Variants in DAPP1 observed in about 807,000 individuals in gnomAD.
DAPP1 encodes dual adaptor of phosphotyrosine and 3-phosphoinositides 1.
Under a neutral mutation model 41.5 loss-of-function variants are expected in DAPP1, and 20 were observed. The observed-to-expected ratio is 0.48, with a 90% CI of 0.34 to 0.70. The LOEUF is 0.70. Among genes scored for constraint, DAPP1 ranks in the 30% least tolerant of loss-of-function variants. DAPP1 has a pLI of 0.01. For missense variants in DAPP1, 233 were observed against 333.4 expected (o/e 0.70, Z 2.35); for synonymous variants, 113 against 116.2 (o/e 0.97, Z 0.18).
rs1723934701 is a variant in DAPP1, at chr4:99,853,334, C to T, written c.475C>T (p.Pro159Ser). Reference protein sequence around the residue: ...QTGRTEDDLVPTAPSLGTKEG... With the variant: ...QTGRTEDDLVSTAPSLGTKEG... ...AGGAAGAACAGAAGATGACCTTGTGCCCACAGCACCTTCTGTAAGTGACCT... is the reference window on the plus strand; with the variant it reads ...AGGAAGAACAGAAGATGACCTTGTGTCCACAGCACCTTCTGTAAGTGACCT... The change falls in exon 4 of 9, where the codon CCC (proline) becomes TCC (serine). Residue 159 changes from proline to serine, a missense_variant. Pro to Ser is a moderately conservative substitution (Grantham distance 74). Transcript: ENST00000512369. 2 of 1,608,916 alleles carry T rather than the reference C, an allele frequency of 1.2e-6. No individual in the cohort carries two copies. The highest frequency in any genetic ancestry group is 1.7e-6 in the Non-Finnish European group (2 of 1,177,358).
Position 99,869,724 on chromosome 4 carries a change from G to A in DAPP1, c.*1539G>A, listed in dbSNP as rs1724580827. ...ACAAGCAGATCACTTGAGGTCAGGA[G>A]TTCAACATCAGCCTGGCCAACATGA... On this transcript the variant is annotated 3_prime_UTR_variant, in exon 9 of 9. Coordinates refer to ENST00000512369, the MANE Select transcript of DAPP1 (RefSeq NM_014395.3). 6.6e-6 allele frequency: 1 copy of A among 152,188 alleles called. No homozygotes were observed. Among genetic ancestry groups the A allele is most frequent in the African/African-American group, 2.4e-5 (1 of 41,444 alleles). The allele number at this position is 152,188 out of a possible 1,614,324, so 9.4% of individuals were successfully genotyped here. A position where few individuals can be genotyped will look rare whatever the true frequency, so the allele number is the denominator to read the frequency against.
chr4:99,836,215 T>A (rs1334620666), intron 2 of DAPP1, among the ~76,000 whole-genome samples: 1 of 152,206 alleles, frequency 6.6e-6, no homozygotes, highest in African/African-American at 2.4e-5. Context: ...GGCTAGCTTT[T>A]CATATTGAGT....
chr4:99,818,619 G>A (rs1461475068), intron 1 of DAPP1, among the ~76,000 whole-genome samples: 1 of 152,064 alleles, frequency 6.6e-6, no homozygotes, highest in East Asian at 1.9e-4. Context: ...GGGTGGAATA[G>A]GACTGTGTCT....
At chr4:99,838,171 T>C (rs928390692) in intron 2 of DAPP1, among the ~76,000 whole-genome samples, 1 of 152,168 alleles carries the variant, frequency 6.6e-6, no homozygotes, top group African/African-American at 2.4e-5. Context: ...CACCTATGTA[T>C]GTCTCATCTG....
intron 5 of DAPP1, 63 bp from the exon 6 acceptor site, chr4:99,862,947 T>C (rs937936268): frequency 8.5e-7 from 1 of 1,177,762 alleles, no homozygotes; most frequent in African/African-American, 1.6e-5. Context: ...GGTTCAAATA[T>C]TACATTCCTG....
chr4:99,841,822 C>G (rs1421147494), intron 3 of DAPP1, among the ~76,000 whole-genome samples: 1 of 152,202 alleles, frequency 6.6e-6, no homozygotes, highest in Non-Finnish European at 1.5e-5. Flanking sequence ...ACATGGATAA[C>G]TATGAGTAAG....
At chr4:99,857,594 C>T (rs760702881) in intron 4 of DAPP1, among the ~76,000 whole-genome samples, 7 of 151,718 alleles carry the variant, frequency 4.6e-5, no homozygotes, top group African/African-American at 7.3e-5. Context: ...TTTCCTTGCA[C>T]GTTGCCCTTT....
intron 1 of DAPP1, 142 bp from the exon 2 acceptor site, chr4:99,835,481 C>T: frequency 8.4e-7 from 1 of 1,197,404 alleles, no homozygotes; most frequent in Non-Finnish European, 1.2e-6. Flanking sequence ...ATTTCCTTGT[C>T]CTAATGTTGG....
chr4:99,862,442 A>G (rs185346838), intron 5 of DAPP1, among the ~76,000 whole-genome samples: 1 of 152,312 alleles, frequency 6.6e-6, no homozygotes, highest in East Asian at 1.9e-4. Flanking sequence ...TTCTTAGGCA[A>G]GGTTTAGAAT....
At chr4:99,819,890 A>G in intron 1 of DAPP1, among the ~76,000 whole-genome samples, 1 of 152,102 alleles carries the variant, frequency 6.6e-6, no homozygotes, top group Non-Finnish European at 1.5e-5. Flanking sequence ...CAGCAAATCC[A>G]TCACTTGCCT....
At chr4:99,865,952 TTATATTATATATATTATATATATATA>T (rs1724431291) in intron 7 of DAPP1, 56 bp from the exon 8 acceptor site, 1 of 62,562 alleles carries the variant, frequency 1.6e-5, no homozygotes, top group African/African-American at 8.1e-5. Context: ...ATATTATATA[TTATATTATATATATTATATATATATA>T]TATATATATA....
intron 1 of DAPP1, among the ~76,000 whole-genome samples, chr4:99,833,064 A>G (rs71614619): frequency 0.023 from 3,451 of 152,350 alleles, 68 homozygotes; most frequent in Middle Eastern, 0.051. Flanking sequence ...TTATGCTGAA[A>G]TGTTTATTAT....
At chr4:99,818,685 C>T (rs1282206243) in intron 1 of DAPP1, among the ~76,000 whole-genome samples, 1 of 151,216 alleles carries the variant, frequency 6.6e-6, no homozygotes, top group Non-Finnish European at 1.5e-5. Context: ...CACCACTTCC[C>T]TGCAAAAAAA....
At chr4:99,818,547 G>C (rs1287614728) in intron 1 of DAPP1, among the ~76,000 whole-genome samples, 3 of 152,196 alleles carry the variant, frequency 2.0e-5, no homozygotes, top group South Asian at 2.1e-4. Context: ...AGATGAATTA[G>C]ATGCTGTCTC....
At chr4:99,866,167 T>G in intron 8 of DAPP1, 46 bp downstream of exon 8, 1 of 1,011,230 alleles carries the variant, frequency 9.9e-7, no homozygotes, top group Non-Finnish European at 1.6e-6. Flanking sequence ...AGAAATAACA[T>G]GTTGATGATT....
In DAPP1 at chr4:99,868,259, G is replaced by T; in HGVS notation, c.*74G>T. 1.5e-6 allele frequency: 2 copies of T among 1,324,422 alleles called. No individual in the cohort carries two copies. The highest frequency in any genetic ancestry group is 1.2e-5 in the South Asian group (1 of 83,822). 82.0% of individuals were successfully genotyped at this position (1,324,422 alleles called of 1,614,324 possible). On this transcript the variant is annotated 3_prime_UTR_variant, in exon 9 of 9. Transcript: ENST00000512369. ...TCCCTGACGCTGTGATCTGCAGCAG[G>T]CTTCAAATGAAAACCGACTAAGGAT...
At chr4:99,851,384 G>A (rs1212840198) in intron 3 of DAPP1, among the ~76,000 whole-genome samples, 2 of 152,070 alleles carry the variant, frequency 1.3e-5, no homozygotes, top group Admixed American at 6.5e-5. Flanking sequence ...CTCTGAGGTC[G>A]AGATCAGACA....
At chr4:99,871,736 T>C (rs1578198200), downstream of DAPP1, among the ~76,000 whole-genome samples, 1 of 152,172 alleles carries the variant, frequency 6.6e-6, no homozygotes, top group Admixed American at 6.5e-5. Context: ...AGGGTTGAGG[T>C]TGAGTTGCAC....
Position 99,868,268 on chromosome 4 carries a change from G to A in DAPP1, c.*83G>A. Reference sequence around the variant, plus strand: ...CTGTGATCTGCAGCAGGCTTCAAATGAAAACCGACTAAGGATTTTCTTTCA... The same window carrying A: ...CTGTGATCTGCAGCAGGCTTCAAATAAAAACCGACTAAGGATTTTCTTTCA... On this transcript the variant is annotated 3_prime_UTR_variant, in exon 9 of 9. Transcript: ENST00000512369. The A allele has an allele frequency of 3.3e-6, 4 of 1,225,376 alleles. No individual in the cohort carries two copies. Among genetic ancestry groups the A allele is most frequent in the Admixed American group, 1.9e-5 (1 of 53,918 alleles). 75.9% of individuals were successfully genotyped at this position (1,225,376 alleles called of 1,614,324 possible). A position where few individuals can be genotyped will look rare whatever the true frequency, so the allele number is the denominator to read the frequency against.
Sources: gnomAD v4.1 joint callset for allele counts (sites outside exome capture counted in the v4.1 genomes callset) on GRCh38, gnomAD v4.1.1 for gene constraint, MANE v1.5 for transcripts, NCBI Gene and HGNC (gene_info 2026-07-23, HGNC 2026-07-21) for gene names.